TTC6: variants seen among roughly 807,000 people sequenced by gnomAD.
The protein encoded by TTC6 is tetratricopeptide repeat domain 6.
Under a neutral mutation model 210.4 loss-of-function variants are expected in TTC6, and 172 were observed. That is an observed-to-expected ratio of 0.82 (90% CI 0.72 to 0.93). The LOEUF (loss-of-function observed/expected upper bound fraction) is 0.93, where lower values mean the gene tolerates loss of function less well. Among genes scored for constraint, TTC6 ranks in the 40% least tolerant of loss-of-function variants. The pLI, the probability that TTC6 is intolerant of heterozygous loss-of-function variation, is 0.00. For synonymous variants in TTC6, 804 were observed against 819.6 expected (o/e 0.98, Z 0.32); for missense variants, 2,414 against 2,318.1 (o/e 1.04, Z -0.85).
At chr14:37,824,028 C>T (rs1169290632) in intron 27 of TTC6, 71 bp downstream of exon 29, 1 of 1,332,720 alleles carries the variant, frequency 7.5e-7, no homozygotes, top group African/African-American at 1.5e-5. Flanking sequence ...TCTTTCCTGG[C>T]AATGGGAGTA....
chr14:37,798,799 T>C (rs1482325130), intron 20 of TTC6, among the ~76,000 whole-genome samples: 1 of 152,158 alleles, frequency 6.6e-6, no homozygotes, highest in African/African-American at 2.4e-5. Context: ...ATCAAATAAT[T>C]TTTCATCAGG....
rs2139296582 is a variant in TTC6, at chr14:37,622,091, C to A, written c.27C>A (p.Gly9=). ...TGTCCACAATCCCGAGACACTTTGG[C>A]CTGAAATACAAAGAGGAATCGTATA... Residue 9 remains glycine (G), a synonymous_variant, in exon 1 of 31, where the codon GGC becomes GGA. Coordinates refer to ENST00000553443, the Ensembl canonical transcript of TTC6. 5 of 1,532,180 alleles carry A rather than the reference C, an allele frequency of 3.3e-6. No homozygotes were observed. In the East Asian group the frequency reaches 1.2e-4, roughly 38 times the overall value. The allele number at this position is 1,532,180 out of a possible 1,614,324, so 94.9% of individuals were successfully genotyped here. A position where few individuals can be genotyped will look rare whatever the true frequency, so the allele number is the denominator to read the frequency against.
chr14:37,717,577 C>G lies in TTC6; in HGVS notation c.1713+2781C>G, dbSNP rs2095854758. Reference sequence around the variant, plus strand: ...GATTTATAGAACATTCCCCTTCTCCCAAATATGTAAGCCCAGATGATTTTA... The same window carrying G: ...GATTTATAGAACATTCCCCTTCTCCGAAATATGTAAGCCCAGATGATTTTA... On this transcript the variant is annotated intron_variant, in intron 6 of 30. Coordinates refer to ENST00000553443, the Ensembl canonical transcript of TTC6. Among the ~76,000 whole-genome samples, 9 of 151,982 alleles carry G rather than the reference C, an allele frequency of 5.9e-5. 1 individual carries two copies. The highest frequency in any genetic ancestry group is 5.9e-4 in the Admixed American group (9 of 15,254).
At chr14:37,732,132 A>C (rs969430417) in intron 7 of TTC6, among the ~76,000 whole-genome samples, 7 of 150,816 alleles carry the variant, frequency 4.6e-5, no homozygotes, top group Admixed American at 3.3e-4. Flanking sequence ...TAAACAGTCA[A>C]TTAACACATA....
chr14:37,676,574 C>T (rs2095770086), intron 1 of TTC6, among the ~76,000 whole-genome samples: 1 of 151,822 alleles, frequency 6.6e-6, no homozygotes, highest in African/African-American at 2.4e-5. Context: ...TGGTAAAATC[C>T]AATTTGTCTA....
chr14:37,807,336 T>A, exon 23 of TTC6: 1 of 1,528,628 alleles, frequency 6.5e-7, no homozygotes, highest in African/African-American at 1.4e-5. Context: ...TTAAGCCGAG[T>A]AGCATTCTAT....
chr14:37,632,355 C>T (rs547502449), intron 1 of TTC6, among the ~76,000 whole-genome samples: 6 of 152,178 alleles, frequency 3.9e-5, no homozygotes, highest in Non-Finnish European at 5.9e-5. Flanking sequence ...TGTTAATTTA[C>T]CTTCAAACAG....
At chr14:37,731,657 TC>T (rs2095886628) in intron 7 of TTC6, among the ~76,000 whole-genome samples, 2 of 152,228 alleles carry the variant, frequency 1.3e-5, no homozygotes, top group Non-Finnish European at 2.9e-5. Context: ...GTCAAAACTT[TC>T]AGTAACGAAC....
intron 1 of TTC6, among the ~76,000 whole-genome samples, chr14:37,642,836 C>T (rs750753982): frequency 6.6e-6 from 1 of 152,160 alleles, no homozygotes; most frequent in Non-Finnish European, 1.5e-5. Flanking sequence ...AATAGCTACC[C>T]AACTGTAACA....
intron 15 of TTC6, among the ~76,000 whole-genome samples, chr14:37,788,798 T>C (rs2096073236): frequency 6.6e-6 from 1 of 152,192 alleles, no homozygotes; most frequent in Non-Finnish European, 1.5e-5. Context: ...GTTCAGAGGA[T>C]AAATTTAGCA....
intron 1 of TTC6, among the ~76,000 whole-genome samples, chr14:37,655,943 G>T (rs1027028719): frequency 4.0e-5 from 6 of 151,868 alleles, no homozygotes; most frequent in Admixed American, 3.9e-4. Context: ...TGAGGACTAA[G>T]TGAAATAATG....
At chr14:37,776,128 G>GAGCT (rs2096036951) in intron 14 of TTC6, among the ~76,000 whole-genome samples, 1 of 76,382 alleles carries the variant, frequency 1.3e-5, no homozygotes, top group South Asian at 4.1e-4. Flanking sequence ...TCGGCTCACT[G>GAGCT]CAAGCTCCGA....
At chr14:37,790,303 T>G (rs2096076601) in intron 15 of TTC6, among the ~76,000 whole-genome samples, 1 of 152,128 alleles carries the variant, frequency 6.6e-6, no homozygotes, top group Non-Finnish European at 1.5e-5. Flanking sequence ...TAACGATGGC[T>G]TCCTGATAAA....
rs2095950165 is a variant in TTC6 at position 37,750,991 on chromosome 14, TA to T, written c.2957-58del. 2.6e-6 allele frequency: 3 copies of T among 1,163,256 alleles called. No individual in the cohort carries two copies. The South Asian group carries it at 6.0e-5, about 23-fold the overall frequency. The allele number at this position is 1,163,256 out of a possible 1,614,324, so 72.1% of individuals were successfully genotyped here. A position where few individuals can be genotyped will look rare whatever the true frequency, so the allele number is the denominator to read the frequency against. ...TTTGTGGAGGGAGAGGGATTACTCT[TA>T]AAATTTTCATAGGAATGAAAGGATT... On this transcript the variant is annotated intron_variant, in intron 12 of 30. Coordinates refer to ENST00000553443, the Ensembl canonical transcript of TTC6.
intron 7 of TTC6, among the ~76,000 whole-genome samples, chr14:37,725,427 C>T (rs912573058): frequency 8.9e-5 from 13 of 146,810 alleles, no homozygotes; most frequent in Admixed American, 3.4e-4. Flanking sequence ...CTTGGCTCAC[C>T]GCAACCTCCG....
chr14:37,732,173 CTTTTTTTTTTTTTTTT>C (rs61444309), intron 7 of TTC6, among the ~76,000 whole-genome samples: 4 of 57,624 alleles, frequency 6.9e-5, no homozygotes, highest in East Asian at 6.2e-4. Flanking sequence ...GTACTGTATT[CTTTTTTTTTTTTTTTT>C]TTTTTTTTTT....
chr14:37,742,710 G>C (rs904460988), intron 10 of TTC6, among the ~76,000 whole-genome samples: 7 of 151,948 alleles, frequency 4.6e-5, no homozygotes, highest in Non-Finnish European at 1.0e-4. Flanking sequence ...GAACCACTGC[G>C]TCTGGCCATC....
chr14:37,668,371 G>A (rs1057271789), intron 1 of TTC6, among the ~76,000 whole-genome samples: 1 of 150,536 alleles, frequency 6.6e-6, no homozygotes, highest in Non-Finnish European at 1.5e-5. Context: ...ATTGGCTGGA[G>A]TCAGCTAATC....
In TTC6 at chr14:37,789,800, C is replaced by T. The variant is rs536292249; in HGVS notation, c.3437-917C>T. ...TGTTAAGTGGTGCATGACTGTACTTCCTTAATGTGTATGATCATTGCTGAC... is the reference window on the plus strand; with the variant it reads ...TGTTAAGTGGTGCATGACTGTACTTTCTTAATGTGTATGATCATTGCTGAC... On this transcript the variant is annotated intron_variant, in intron 15 of 30. Coordinates refer to ENST00000553443, the Ensembl canonical transcript of TTC6. Among the ~76,000 whole-genome samples, 9 of 151,988 alleles carry T rather than the reference C, an allele frequency of 5.9e-5. No individual in the cohort carries two copies. In the South Asian group the frequency reaches 1.9e-3, roughly 32 times the overall value.
Sources: allele counts gnomAD v4.1 joint callset (sites outside exome capture counted in the v4.1 genomes callset), GRCh38; gene constraint gnomAD v4.1.1; transcripts MANE v1.5; gene names NCBI Gene and HGNC (gene_info 2026-07-23, HGNC 2026-07-21).